MAMLD1: variants seen among roughly 807,000 people sequenced by gnomAD.
MAMLD1 encodes the protein mastermind like domain containing 1.
MAMLD1 carries 14 observed loss-of-function variants against 45.0 expected under a neutral mutation model. The ratio of observed to expected loss-of-function variants is 0.31; its 90% confidence interval spans 0.21 to 0.49. The LOEUF is 0.49. Ranked by LOEUF, MAMLD1 falls within the 20% of genes least tolerant of loss-of-function variation. The pLI is 0.99. For synonymous variants in MAMLD1, 254 were observed against 247.8 expected (o/e 1.02, Z -0.24); for missense variants, 543 against 603.6 (o/e 0.90, Z 1.05).
chrX:150,456,845 G>T (rs2035884371), intron 2 of MAMLD1, among the ~76,000 whole-genome samples: 1 of 112,509 alleles, frequency 8.9e-6, no homozygotes, highest in Non-Finnish European at 1.9e-5. Flanking sequence ...GGCCGGAGGG[G>T]CTGGGAGGCA....
chrX:150,390,622 T>G (rs1557402148), intron 1 of MAMLD1, among the ~76,000 whole-genome samples: 2 of 112,496 alleles, frequency 1.8e-5, no homozygotes, highest in African/African-American at 6.5e-5. Context: ...TGTAATTATC[T>G]TAAATATTTC....
chrX:150,448,325 C>T (rs1034188076), intron 2 of MAMLD1, among the ~76,000 whole-genome samples: 1 of 112,120 alleles, frequency 8.9e-6, no homozygotes, highest in Non-Finnish European at 1.9e-5. Context: ...CTCATGATAA[C>T]CCTGGGAAGA....
chrX:150,401,503 A>G (rs1337317588), intron 1 of MAMLD1, among the ~76,000 whole-genome samples: 1 of 105,215 alleles, frequency 9.5e-6, no homozygotes, highest in East Asian at 3.0e-4. Context: ...GCCCAAGGTA[A>G]TTTACACATT....
rs782102675 is a variant in MAMLD1, at chrX:150,424,946, A to T, written c.-63-20508A>T. Among the ~76,000 whole-genome samples the T allele has an allele frequency of 6.5e-4, 73 of 112,053 alleles. No individual in the cohort carries two copies. The South Asian group carries it at 0.026, about 40-fold the overall frequency. On this transcript the variant is annotated intron_variant, in intron 1 of 7. Coordinates refer to ENST00000370401, the MANE Select transcript of MAMLD1 (RefSeq NM_005491.5). ...AACCACTAAGCTACTTTCAGCCTCT[A>T]TGGACTTGCCTATTCTGGATATTTC...
intron 1 of MAMLD1, among the ~76,000 whole-genome samples, chrX:150,384,804 A>G (rs1204908592): frequency 8.9e-6 from 1 of 111,985 alleles, no homozygotes; most frequent in Non-Finnish European, 1.9e-5. Flanking sequence ...TTTAGTTAAT[A>G]AAAATTGTGT....
intron 1 of MAMLD1, among the ~76,000 whole-genome samples, chrX:150,386,042 A>G (rs1557402024): frequency 9.1e-6 from 1 of 110,450 alleles, no homozygotes; most frequent in East Asian, 2.8e-4. Context: ...TTCCTCTGGC[A>G]TGGTGTCTAT....
At chrX:150,456,625 C>T (rs1407821109) in intron 2 of MAMLD1, among the ~76,000 whole-genome samples, 2 of 111,987 alleles carry the variant, frequency 1.8e-5, no homozygotes, top group Non-Finnish European at 3.8e-5. Flanking sequence ...CTAGAAGCCG[C>T]ATCCTGTATG....
chrX:150,506,784 G>A (rs1346855262), intron 6 of MAMLD1, among the ~76,000 whole-genome samples: 4 of 112,715 alleles, frequency 3.5e-5, no homozygotes, highest in Admixed American at 9.3e-5. Flanking sequence ...AGTGCCTGGC[G>A]TGGGCTCAGT....
At chrX:150,391,636 G>C (rs372044354) in intron 1 of MAMLD1, among the ~76,000 whole-genome samples, 2 of 111,288 alleles carry the variant, frequency 1.8e-5, no homozygotes, top group African/African-American at 6.5e-5. Flanking sequence ...TGCTGGTTGA[G>C]CATTTTTATG....
chrX:150,365,429 G>A (rs1276050159), intron 1 of MAMLD1, among the ~76,000 whole-genome samples: 1 of 113,044 alleles, frequency 8.8e-6, no homozygotes, highest in Non-Finnish European at 1.9e-5. Context: ...CTGCGAGCTG[G>A]CGGGCGCGCG....
chrX:150,505,434 G>A (rs1282594494), intron 6 of MAMLD1, among the ~76,000 whole-genome samples: 2 of 112,049 alleles, frequency 1.8e-5, no homozygotes, highest in African/African-American at 3.2e-5. Flanking sequence ...CCCCATGCCC[G>A]GAACAGAGCC....
At chrX:150,492,847 T>G (rs1473514914) in intron 5 of MAMLD1, among the ~76,000 whole-genome samples, 1 of 112,051 alleles carries the variant, frequency 8.9e-6, no homozygotes, top group Non-Finnish European at 1.9e-5. Context: ...CTACAGAGAA[T>G]GATGACCTGA....
At chrX:150,476,387 T>C (rs1557406865) in intron 5 of MAMLD1, among the ~76,000 whole-genome samples, 1 of 112,623 alleles carries the variant, frequency 8.9e-6, no homozygotes, top group African/African-American at 3.2e-5. Context: ...TCAGTTTCAC[T>C]ATTCACGACT....
At chrX:150,441,911 T>G (rs1443389821) in intron 1 of MAMLD1, among the ~76,000 whole-genome samples, 3 of 111,554 alleles carry the variant, frequency 2.7e-5, no homozygotes, top group African/African-American at 9.8e-5. Context: ...AATTTTTCTA[T>G]TTCTCCGTTC....
At chrX:150,407,319 A>G (rs1486051670) in intron 1 of MAMLD1, among the ~76,000 whole-genome samples, 1 of 112,125 alleles carries the variant, frequency 8.9e-6, no homozygotes, top group Non-Finnish European at 1.9e-5. Context: ...TCCTGCTATG[A>G]CTGTAATGTG....
intron 6 of MAMLD1, chrX:150,504,562 G>T (rs964425263): frequency 3.8e-6 from 2 of 525,349 alleles, no homozygotes; most frequent in Non-Finnish European, 4.6e-6. Context: ...GAGAAATCTT[G>T]TCCAGCACAA....
chrX:150,418,033 C>T (rs1388919019), intron 1 of MAMLD1, among the ~76,000 whole-genome samples: 1 of 110,273 alleles, frequency 9.1e-6, no homozygotes, highest in East Asian at 2.9e-4. Flanking sequence ...CTCCTTGTAC[C>T]TCTGGTAGAA....
chrX:150,365,798 A>T (rs984683893), intron 1 of MAMLD1, among the ~76,000 whole-genome samples: 1 of 112,508 alleles, frequency 8.9e-6, no homozygotes, highest in East Asian at 2.8e-4. Flanking sequence ...GGCAGTGAGG[A>T]TGAGCGTGCT....
intron 5 of MAMLD1, among the ~76,000 whole-genome samples, chrX:150,485,981 C>A (rs1247579238): frequency 2.7e-5 from 3 of 111,670 alleles, no homozygotes; most frequent in Non-Finnish European, 5.6e-5. Context: ...GTCTGAGAGG[C>A]CAGGCCAGAT....
Sources: gnomAD v4.1 joint callset for allele counts (sites outside exome capture counted in the v4.1 genomes callset) on GRCh38, gnomAD v4.1.1 for gene constraint, MANE v1.5 for transcripts, NCBI Gene and HGNC (gene_info 2026-07-23, HGNC 2026-07-21) for gene names.